The following RTCB variants were observed in gnomAD, a reference collection of about 807,000 sequenced individuals.
RTCB encodes RNA-splicing ligase RTCB.
In RTCB, 32 loss-of-function variants were observed where a neutral mutation model predicts 58.2. That is an observed-to-expected ratio of 0.55 (90% CI 0.41 to 0.74). The LOEUF (loss-of-function observed/expected upper bound fraction) is 0.74, where lower values mean the gene tolerates loss of function less well. Among genes scored for constraint, RTCB ranks in the 30% least tolerant of loss-of-function variants. The probability of loss-of-function intolerance (pLI) is 0.00; values close to 1 mark genes in which losing one functional copy is unlikely to be tolerated. For missense variants in RTCB, 523 were observed against 639.0 expected (o/e 0.82, Z 1.96); for synonymous variants, 247 against 218.6 (o/e 1.13, Z -1.15).
At chr22:32,391,340 T>C (rs1191356893) in intron 11 of RTCB, among the ~76,000 whole-genome samples, 1 of 151,788 alleles carries the variant, frequency 6.6e-6, no homozygotes, top group Non-Finnish European at 1.5e-5. Context: ...TTCTTAACTA[T>C]AATTAAGACT....
chr22:32,401,183 T>A (rs1273934331), intron 5 of RTCB, among the ~76,000 whole-genome samples: 5 of 150,976 alleles, frequency 3.3e-5, no homozygotes, highest in Non-Finnish European at 7.4e-5. Flanking sequence ...CGCCTTGAAC[T>A]CCTGGTCTCT....
rs1191841755 is a variant in RTCB at position 32,406,733 on chromosome 22, G to A, written c.269C>T (p.Ser90Leu). 1 of 1,612,364 alleles carries A rather than the reference G, an allele frequency of 6.2e-7. No homozygotes were observed. The part of the protein sequence containing the change: ...HRSIGLPDVH[S>L]GYGFAIGNMA... The stretch of plus-strand genomic sequence containing the variant: ...GTTCCCAATAGCAAACCCATATCCT[G>A]AATGGACATCAGGAAGCCCAATAGA... Residue 90 changes from serine (S) to leucine (L), a missense_variant, in exon 4 of 12, where the codon TCA (serine) becomes TTA (leucine). By Grantham distance (145) the Ser-to-Leu change is moderately radical (BLOSUM62 -2). This residue lies in a region of RTCB where 134 missense variants were observed against 129.9 expected (regional missense o/e 1.03). Transcript: ENST00000216038.
At chr22:32,410,523 C>T (rs538716884) in intron 1 of RTCB, among the ~76,000 whole-genome samples, 1 of 152,248 alleles carries the variant, frequency 6.6e-6, no homozygotes, top group African/African-American at 2.4e-5. Context: ...TTCCAAGTCT[C>T]TATTCCCAAA....
Position 32,401,905 on chromosome 22 carries a change from T to G in RTCB, c.341-2A>C. 1 of 1,613,072 alleles carries G rather than the reference T, an allele frequency of 6.2e-7. No individual in the cohort carries two copies. The highest frequency in any genetic ancestry group is 8.5e-7 in the Non-Finnish European group (1 of 1,179,170). ...AGTTGATGTCAAACCCGACACCACC[T>G]ACAAAATAGAGAAAAGTTAGCAAAA... On this transcript the variant is annotated splice_acceptor_variant, in intron 4 of 11. Coordinates refer to ENST00000216038, the MANE Select transcript of RTCB (RefSeq NM_014306.5). LOFTEE classifies it high-confidence loss of function.
At chr22:32,393,131 T>G (rs946352653) in intron 10 of RTCB, among the ~76,000 whole-genome samples, 1 of 152,140 alleles carries the variant, frequency 6.6e-6, no homozygotes, top group Non-Finnish European at 1.5e-5. Flanking sequence ...GACGGTGTCT[T>G]GCTAATGTTG....
chr22:32,408,614 A>C (rs982560167), intron 2 of RTCB, 141 bp downstream of exon 2: 1 of 666,208 alleles, frequency 1.5e-6, no homozygotes, highest in Non-Finnish European at 2.7e-6. Flanking sequence ...ATCACAAATA[A>C]GTAAGTGCTT....
intron 6 of RTCB, among the ~76,000 whole-genome samples, 180 bp downstream of exon 6, chr22:32,399,423 G>A (rs1314332040): frequency 6.6e-6 from 1 of 151,710 alleles, no homozygotes; most frequent in South Asian, 2.1e-4. Context: ...GTGAGCCACC[G>A]CATCCAGCCC....
At chr22:32,410,423 G>A (rs1314034079) in intron 1 of RTCB, among the ~76,000 whole-genome samples, 3 of 151,780 alleles carry the variant, frequency 2.0e-5, no homozygotes, top group Non-Finnish European at 2.9e-5. Context: ...TTTAGTAACA[G>A]ATGATTATCT....
Position 32,395,170 on chromosome 22 carries a change from T to C in RTCB, c.1035A>G (p.Leu345=), listed in dbSNP as rs1407728642. 1 of 1,614,208 alleles carries C rather than the reference T, an allele frequency of 6.2e-7. No individual in the cohort carries two copies. The highest frequency in any genetic ancestry group is 8.5e-7 in the Non-Finnish European group (1 of 1,180,042). ...VFNTTPDDLD[L]HVIYDVSHNI... is the part of the protein sequence containing the mutation. ...TGTGAGAAACATCATAGATCACATG[T>C]AGGTCCAAGTCATCAGGGGTTGTGT... The change falls in exon 9 of 12, where the codon CTA becomes CTG. Residue 345 remains leucine (L), a synonymous_variant. Transcript: ENST00000216038.
In RTCB at chr22:32,397,194, G is replaced by A. The variant is rs116017837; in HGVS notation, c.814+747C>T. On this transcript the variant is annotated intron_variant, in intron 7 of 11. Coordinates refer to ENST00000216038, the MANE Select transcript of RTCB (RefSeq NM_014306.5). ...TTGTTTTCATTTCTGCGTTCATCCCGCTTCATTCAGTCCTGTAGTAACCGT... is the reference window on the plus strand; with the variant it reads ...TTGTTTTCATTTCTGCGTTCATCCCACTTCATTCAGTCCTGTAGTAACCGT... Among the ~76,000 whole-genome samples the A allele has an allele frequency of 4.1e-3, 621 of 152,158 alleles. 2 individuals carry two copies. Among genetic ancestry groups the A allele is most frequent in the African/African-American group, 0.014 (583 of 41,518 alleles).
At chr22:32,399,087 C>G (rs975566816) in intron 6 of RTCB, among the ~76,000 whole-genome samples, 1 of 152,110 alleles carries the variant, frequency 6.6e-6, no homozygotes, top group Non-Finnish European at 1.5e-5. Flanking sequence ...ACGTATGAAC[C>G]TGATAAACAT....
intron 11 of RTCB, among the ~76,000 whole-genome samples, chr22:32,389,850 C>T (rs1176433076): frequency 6.6e-6 from 1 of 152,140 alleles, no homozygotes; most frequent in Non-Finnish European, 1.5e-5. Flanking sequence ...TCATTTTAAT[C>T]AGAGTAAAAG....
chr22:32,392,395 C>A, intron 10 of RTCB, 36 bp from the exon 11 acceptor site: 1 of 1,613,194 alleles, frequency 6.2e-7, no homozygotes, highest in Non-Finnish European at 8.5e-7. Context: ...ACTTTAAACC[C>A]TAAGATGATA....
chr22:32,387,772 C>T lies in RTCB; in HGVS notation c.*220G>A, dbSNP rs1176910133. 4.1e-6 allele frequency: 2 copies of T among 489,642 alleles called. No individual in the cohort carries two copies. Among genetic ancestry groups the T allele is most frequent in the Admixed American group, 3.3e-5 (1 of 30,050 alleles). 30.3% of individuals were successfully genotyped at this position (489,642 alleles called of 1,614,324 possible). On this transcript the variant is annotated 3_prime_UTR_variant, in exon 12 of 12. Transcript: ENST00000216038. ...ACAACCAAGGAGAAGGCATATTCCT[C>T]CCTTTCCAAAGGTGGGCAATGTGCC...
At chr22:32,408,395 G>A (rs1933463985) in intron 2 of RTCB, among the ~76,000 whole-genome samples, 153 bp from the exon 3 acceptor site, 1 of 152,218 alleles carries the variant, frequency 6.6e-6, no homozygotes, top group African/African-American at 2.4e-5. Flanking sequence ...CAAGATGGAA[G>A]GGAGCTCCTT....
intron 3 of RTCB, among the ~76,000 whole-genome samples, chr22:32,407,080 A>G (rs1933438317): frequency 6.6e-6 from 1 of 152,252 alleles, no homozygotes; most frequent in Non-Finnish European, 1.5e-5. Flanking sequence ...AATAATCTTA[A>G]GACACTGACA....
chr22:32,396,455 T>G (rs742097), intron 7 of RTCB, among the ~76,000 whole-genome samples: 12,216 of 152,284 alleles, frequency 0.08, 569 homozygotes, highest in African/African-American at 0.12. Context: ...TGACAGTTTG[T>G]GGGACACAAA....
chr22:32,406,551 G>T, intron 4 of RTCB, 111 bp downstream of exon 4: 1 of 645,388 alleles, frequency 1.5e-6, no homozygotes. Flanking sequence ...TTGATCTCTT[G>T]ACCTCATGAT....
chr22:32,391,066 T>C (rs1032401304), intron 11 of RTCB, among the ~76,000 whole-genome samples: 1 of 152,188 alleles, frequency 6.6e-6, no homozygotes, highest in African/African-American at 2.4e-5. Flanking sequence ...CCTCCCAAAG[T>C]ACTGGGATTA....
Sources: gnomAD v4.1 joint callset for allele counts (sites outside exome capture counted in the v4.1 genomes callset) on GRCh38, gnomAD v4.1.1 for gene constraint, gnomAD v4.1.1 regional missense constraint, MANE v1.5 for transcripts, NCBI Gene and HGNC (gene_info 2026-07-23, HGNC 2026-07-21) for gene names.